DYNC2I1: variants seen among roughly 807,000 people sequenced by gnomAD.
DYNC2I1 encodes cytoplasmic dynein 2 intermediate chain 1.
A neutral mutation model predicts 133.4 loss-of-function variants in DYNC2I1; 89 were observed. The observed-to-expected ratio is 0.67, with a 90% CI of 0.56 to 0.80. The LOEUF is 0.80. Among genes scored for constraint, DYNC2I1 ranks in the 30% least tolerant of loss-of-function variants. DYNC2I1 has a pLI of 0.00. For synonymous variants in DYNC2I1, 504 were observed against 484.3 expected (o/e 1.04, Z -0.54); for missense variants, 1,291 against 1,314.5 (o/e 0.98, Z 0.28).
At chr7:158,913,835 A>C (rs960558406) in intron 13 of DYNC2I1, among the ~76,000 whole-genome samples, 2 of 152,128 alleles carry the variant, frequency 1.3e-5, no homozygotes, top group African/African-American at 4.8e-5. Context: ...CAGCCTCCCG[A>C]GTAGCTGGGA....
intron 2 of DYNC2I1, among the ~76,000 whole-genome samples, chr7:158,870,303 A>G (rs1842768969): frequency 6.6e-6 from 1 of 152,148 alleles, no homozygotes; most frequent in African/African-American, 2.4e-5. Flanking sequence ...CAGCTTCAGT[A>G]TCTCTCTTTT....
intron 12 of DYNC2I1, among the ~76,000 whole-genome samples, chr7:158,912,331 C>T (rs552133397): frequency 2.0e-4 from 31 of 152,322 alleles, no homozygotes; most frequent in South Asian, 6.2e-4. Flanking sequence ...ATTTTTCTTA[C>T]ATTCCTGTTA....
chr7:158,920,641 G>A (rs1192772652), intron 15 of DYNC2I1, among the ~76,000 whole-genome samples: 4 of 152,188 alleles, frequency 2.6e-5, no homozygotes, highest in Admixed American at 1.3e-4. Context: ...CTCGTGAAGT[G>A]TGTGTGTGTT....
chr7:158,930,382 C>T (rs1850098625), intron 20 of DYNC2I1, 73 bp from the exon 21 acceptor site: 1 of 1,293,530 alleles, frequency 7.7e-7, no homozygotes, highest in Non-Finnish European at 1.1e-6. Context: ...AAAAATGATT[C>T]CAGGCAACTA....
chr7:158,857,223 T>A (rs1841349055), intron 1 of DYNC2I1, among the ~76,000 whole-genome samples: 1 of 152,240 alleles, frequency 6.6e-6, no homozygotes, highest in Admixed American at 6.5e-5. Context: ...CTTGGCAAAC[T>A]CACTTAACAT....
intron 22 of DYNC2I1, 49 bp downstream of exon 22, chr7:158,934,277 C>G: frequency 1.3e-6 from 2 of 1,556,966 alleles, no homozygotes; most frequent in Non-Finnish European, 1.7e-6. Context: ...CCTTGTTTTC[C>G]TGACTTACCT....
At chr7:158,884,696 C>T (rs1844424396) in intron 6 of DYNC2I1, 77 bp downstream of exon 6, 1 of 1,494,934 alleles carries the variant, frequency 6.7e-7, no homozygotes, top group African/African-American at 1.4e-5. Flanking sequence ...TTCTTATTGG[C>T]TCCGATGACG....
intron 15 of DYNC2I1, among the ~76,000 whole-genome samples, chr7:158,919,690 T>A (rs1302954187): frequency 1.3e-5 from 2 of 152,258 alleles, no homozygotes; most frequent in Non-Finnish European, 2.9e-5. Flanking sequence ...GATTTCAGTT[T>A]ATTTACATTT....
chr7:158,911,796 A>G (rs1396749977), intron 12 of DYNC2I1, 117 bp downstream of exon 12: 1 of 1,313,598 alleles, frequency 7.6e-7, no homozygotes. Flanking sequence ...TCTGTGAAGG[A>G]TACAAGCTTA....
intron 9 of DYNC2I1, 67 bp downstream of exon 9, chr7:158,901,883 T>C (rs1846293708): frequency 3.3e-6 from 4 of 1,205,206 alleles, no homozygotes; most frequent in Admixed American, 2.9e-5. Flanking sequence ...AGCTTATATA[T>C]AGTAATTTGA....
At chr7:158,913,220 G>A in intron 13 of DYNC2I1, 124 bp downstream of exon 13, 1 of 723,342 alleles carries the variant, frequency 1.4e-6, no homozygotes, top group Non-Finnish European at 2.2e-6. Flanking sequence ...TTGTTAGCAT[G>A]TGACAATAGC....
intron 3 of DYNC2I1, 33 bp downstream of exon 3, chr7:158,871,595 C>A: frequency 6.7e-7 from 1 of 1,494,548 alleles, no homozygotes; most frequent in Non-Finnish European, 8.8e-7. Flanking sequence ...GTGGTTCCAC[C>A]CGAGGTGCCG....
At chr7:158,886,951 G>A (rs951403966) in intron 6 of DYNC2I1, 70 bp from the exon 7 acceptor site, 3 of 1,429,476 alleles carry the variant, frequency 2.1e-6, no homozygotes, top group Non-Finnish European at 2.9e-6. Flanking sequence ...TCACTGATAT[G>A]GAAAATGTTT....
chr7:158,899,883 T>G (rs1482541017), intron 8 of DYNC2I1, among the ~76,000 whole-genome samples: 1 of 152,222 alleles, frequency 6.6e-6, no homozygotes, highest in African/African-American at 2.4e-5. Flanking sequence ...GAAAACGGAC[T>G]AATACACCTT....
rs142443822 is a variant in DYNC2I1, at chr7:158,912,055, A to G, written c.1590+376A>G. ...AGTGGAGTGATCTTGGCTCACTGCA[A>G]ACTCCACCTCCTGGGTTCAAGTGAT... On this transcript the variant is annotated intron_variant, in intron 12 of 24. Transcript: ENST00000407559. Among the ~76,000 whole-genome samples the G allele has an allele frequency of 3.6e-3, 552 of 152,238 alleles. 4 individuals carry two copies. Among genetic ancestry groups the G allele is most frequent in the African/African-American group, 0.012 (511 of 41,532 alleles).
chr7:158,855,741 A>G (rs985876161), upstream of DYNC2I1, among the ~76,000 whole-genome samples: 5 of 152,222 alleles, frequency 3.3e-5, no homozygotes, highest in Admixed American at 2.0e-4. Flanking sequence ...AGGCGGTTTC[A>G]GGCTTTCAGC....
At chr7:158,846,564 A>G in the DYNC2I1 span, among the ~76,000 whole-genome samples, 13 of 152,252 alleles carry the variant, frequency 8.5e-5, no homozygotes, top group Non-Finnish European at 1.9e-4. Context: ...AAAATAAATT[A>G]TAATAGTCTT....
chr7:158,867,035 T>C (rs1243992768), intron 1 of DYNC2I1, among the ~76,000 whole-genome samples: 2 of 151,362 alleles, frequency 1.3e-5, no homozygotes, highest in African/African-American at 4.9e-5. Context: ...TTTTTTTTTT[T>C]TGAAACAAAC....
chr7:158,878,979 G>C (rs1295596676), intron 4 of DYNC2I1, among the ~76,000 whole-genome samples: 12 of 147,998 alleles, frequency 8.1e-5, no homozygotes, highest in Non-Finnish European at 1.6e-4. Flanking sequence ...TGAGTGCCGG[G>C]TGCCATGTGG....
Sources: gnomAD v4.1 joint callset for allele counts (sites outside exome capture counted in the v4.1 genomes callset) on GRCh38, gnomAD v4.1.1 for gene constraint, MANE v1.5 for transcripts, NCBI Gene and HGNC (gene_info 2026-07-23, HGNC 2026-07-21) for gene names.